Variants in XKR6 observed in about 807,000 individuals in gnomAD.
XKR6 encodes the protein XK related 6.
A neutral mutation model predicts 56.7 loss-of-function variants in XKR6; 22 were observed. That is an observed-to-expected ratio of 0.39 (90% confidence interval 0.28 to 0.55). The LOEUF (loss-of-function observed/expected upper bound fraction) is 0.55. Ranked by LOEUF, XKR6 falls within the 20% of genes least tolerant of loss-of-function variation. XKR6 has a pLI of 0.66. For synonymous variants in XKR6, 524 were observed against 387.8 expected, an observed-to-expected ratio of 1.35 and a Z score of -4.13; for missense variants, 852 against 889.0, an observed-to-expected ratio of 0.96 and a Z score of 0.53.
At chr8:11,048,556 G>A in intron 1 of XKR6, among the ~76,000 whole-genome samples, 1 of 152,344 alleles carries the variant, frequency 6.6e-6, no homozygotes, top group East Asian at 1.9e-4. Flanking sequence ...ACGTGTCTGA[G>A]TGCCTCGGCG....
chr8:10,964,828 C>A (rs1802168783), intron 1 of XKR6, among the ~76,000 whole-genome samples: 1 of 152,196 alleles, frequency 6.6e-6, no homozygotes, highest in Admixed American at 6.5e-5. Context: ...TGGGCTTAAA[C>A]CTGCAGCATC....
At chr8:11,087,021 A>T (rs978609422) in intron 1 of XKR6, among the ~76,000 whole-genome samples, 1 of 152,122 alleles carries the variant, frequency 6.6e-6, no homozygotes, top group African/African-American at 2.4e-5. Flanking sequence ...TCCAGGGCTG[A>T]CGTGTGGGCA....
chr8:11,054,971 G>T (rs760688923), intron 1 of XKR6, among the ~76,000 whole-genome samples: 1 of 152,208 alleles, frequency 6.6e-6, no homozygotes, highest in Non-Finnish European at 1.5e-5. Context: ...CTTCTCTGCA[G>T]GAGGGGAATG....
At chr8:11,006,862 A>G (rs943715164) in intron 1 of XKR6, among the ~76,000 whole-genome samples, 1 of 152,198 alleles carries the variant, frequency 6.6e-6, no homozygotes, top group African/African-American at 2.4e-5. Context: ...TGTTTATAGA[A>G]GCCCATCTCT....
intron 1 of XKR6, among the ~76,000 whole-genome samples, chr8:11,097,599 G>C (rs913800035): frequency 2.0e-5 from 3 of 151,774 alleles, no homozygotes; most frequent in Admixed American, 2.0e-4. Flanking sequence ...ACCGAGGTCA[G>C]GAGTTCAAGA....
intron 1 of XKR6, among the ~76,000 whole-genome samples, chr8:11,055,911 C>T (rs960044957): frequency 6.6e-6 from 1 of 152,186 alleles, no homozygotes; most frequent in Non-Finnish European, 1.5e-5. Flanking sequence ...CATACCCCCG[C>T]TCCATACACT....
At chr8:11,101,444 G>A (rs1798478754) in intron 1 of XKR6, among the ~76,000 whole-genome samples, 6 of 152,084 alleles carry the variant, frequency 3.9e-5, no homozygotes, top group Admixed American at 3.9e-4. Flanking sequence ...ATTTTGTTCT[G>A]TTCATTTTTG....
intron 1 of XKR6, among the ~76,000 whole-genome samples, chr8:11,198,440 G>GA (rs1804009955): frequency 6.8e-6 from 1 of 146,486 alleles, no homozygotes; most frequent in Non-Finnish European, 1.5e-5. Context: ...TTCTAATCTT[G>GA]AAAAAAGATG....
At chr8:11,076,305 T>C (rs543177645) in intron 1 of XKR6, among the ~76,000 whole-genome samples, 2 of 152,312 alleles carry the variant, frequency 1.3e-5, no homozygotes, top group African/African-American at 4.8e-5. Flanking sequence ...GTGGTGATGG[T>C]TGCACAACAA....
intron 1 of XKR6, among the ~76,000 whole-genome samples, chr8:10,934,741 G>C (rs984213418): frequency 1.4e-5 from 2 of 143,446 alleles, no homozygotes; most frequent in Non-Finnish European, 1.5e-5. Flanking sequence ...GCATCCCAGG[G>C]ATGAAGCCCA....
At chr8:10,905,422 C>A (rs1800158099) in intron 2 of XKR6, among the ~76,000 whole-genome samples, 1 of 152,204 alleles carries the variant, frequency 6.6e-6, no homozygotes, top group African/African-American at 2.4e-5. Context: ...CTCTTTATGG[C>A]AGCCTTTTCC....
chr8:11,075,912 T>A (rs532027415), intron 1 of XKR6, among the ~76,000 whole-genome samples: 6 of 152,284 alleles, frequency 3.9e-5, no homozygotes, highest in African/African-American at 1.4e-4. Context: ...TGAGGAGATA[T>A]TTGTACTCTG....
At chr8:11,184,882 A>T (rs1466254023) in intron 1 of XKR6, among the ~76,000 whole-genome samples, 1 of 152,208 alleles carries the variant, frequency 6.6e-6, no homozygotes, top group Non-Finnish European at 1.5e-5. Flanking sequence ...GGTTACTAAC[A>T]CACAAACCAA....
At chr8:11,140,351 CA>C (rs1800630044) in intron 1 of XKR6, among the ~76,000 whole-genome samples, 1 of 152,180 alleles carries the variant, frequency 6.6e-6, no homozygotes. Context: ...CTAAGCCTAT[CA>C]ACCACAAATG....
chr8:11,054,954 A>G (rs1016189670), intron 1 of XKR6, among the ~76,000 whole-genome samples: 9 of 152,296 alleles, frequency 5.9e-5, no homozygotes, highest in Non-Finnish European at 1.2e-4. Flanking sequence ...GCTCAGGCCA[A>G]TCCTGTCTTC....
intron 2 of XKR6, among the ~76,000 whole-genome samples, chr8:10,906,853 A>G (rs561851558): frequency 1.2e-4 from 18 of 152,356 alleles, no homozygotes; most frequent in African/African-American, 4.3e-4. Flanking sequence ...ACTGGCCAAC[A>G]TGGTGAAACC....
intron 1 of XKR6, among the ~76,000 whole-genome samples, chr8:11,181,455 G>T (rs188194812): frequency 6.6e-6 from 1 of 152,132 alleles, no homozygotes; most frequent in Non-Finnish European, 1.5e-5. Flanking sequence ...ATTACAAAGT[G>T]ACTATAGTTT....
intron 1 of XKR6, among the ~76,000 whole-genome samples, chr8:11,164,075 G>C (rs1801953840): frequency 6.6e-6 from 1 of 152,150 alleles, no homozygotes; most frequent in Non-Finnish European, 1.5e-5. Flanking sequence ...GCCTACAGTG[G>C]GGAAGATAAA....
intron 1 of XKR6, among the ~76,000 whole-genome samples, chr8:11,007,198 T>C (rs149164091): frequency 2.6e-5 from 4 of 152,296 alleles, no homozygotes; most frequent in South Asian, 2.1e-4. Flanking sequence ...AGGAGAGTCA[T>C]AGAGATAGGA....
Sources: allele counts gnomAD v4.1 joint callset (sites outside exome capture counted in the v4.1 genomes callset), GRCh38; gene constraint gnomAD v4.1.1; transcripts MANE v1.5; gene names NCBI Gene and HGNC (gene_info 2026-07-23, HGNC 2026-07-21).